ZDHHC11B: variants seen among roughly 807,000 people sequenced by gnomAD.
ZDHHC11B encodes the protein zDHHC palmitoyltransferase 11B (putative).
A neutral mutation model predicts 42.3 loss-of-function variants in ZDHHC11B; 17 were observed. That is an observed-to-expected ratio of 0.40 (90% CI 0.27 to 0.60). The LOEUF (loss-of-function observed/expected upper bound fraction) is 0.60, where lower values mean the gene tolerates loss of function less well. Among genes scored for constraint, ZDHHC11B ranks in the 20% least tolerant of loss-of-function variants. The pLI is 0.41. For missense variants in ZDHHC11B, 262 were observed against 463.2 expected (o/e 0.57, Z 3.99); for synonymous variants, 123 against 193.5 (o/e 0.64, Z 3.02).
chr5:777,629 G>C (rs898019223), intron 1 of ZDHHC11B, among the ~76,000 whole-genome samples: 2 of 152,054 alleles, frequency 1.3e-5, no homozygotes, highest in African/African-American at 2.4e-5. Flanking sequence ...CCATTGTACA[G>C]GGAGCTAATT....
At chr5:776,336 C>G (rs1256649402) in intron 1 of ZDHHC11B, among the ~76,000 whole-genome samples, 3 of 151,868 alleles carry the variant, frequency 2.0e-5, no homozygotes, top group African/African-American at 4.8e-5. Flanking sequence ...TCTGCAACGC[C>G]CAGTGCTCCA....
At chr5:775,469 C>G (rs1479946328) in intron 1 of ZDHHC11B, among the ~76,000 whole-genome samples, 11 of 151,964 alleles carry the variant, frequency 7.2e-5, no homozygotes, top group African/African-American at 2.7e-4. Context: ...CCACCAGAAC[C>G]CGAAGGCAAG....
At chr5:721,676 A>T (rs1561116241) in intron 12 of ZDHHC11B, among the ~76,000 whole-genome samples, 1 of 151,722 alleles carries the variant, frequency 6.6e-6, no homozygotes, top group Non-Finnish European at 1.5e-5. Flanking sequence ...ACAGGAGATA[A>T]GAAGGGTCTG....
chr5:773,133 T>C (rs991847088), intron 1 of ZDHHC11B, among the ~76,000 whole-genome samples: 3 of 151,740 alleles, frequency 2.0e-5, no homozygotes, highest in African/African-American at 7.3e-5. Context: ...TAAGAATACA[T>C]TTAGTTTTAA....
chr5:771,898 G>A (rs1411372437), intron 1 of ZDHHC11B, among the ~76,000 whole-genome samples: 10 of 147,632 alleles, frequency 6.8e-5, no homozygotes, highest in African/African-American at 1.2e-4. Context: ...CGTGGGGCCC[G>A]CCTGGGAGCA....
intron 1 of ZDHHC11B, among the ~76,000 whole-genome samples, chr5:780,769 C>T (rs143132790): frequency 6.7e-6 from 1 of 149,572 alleles, no homozygotes; most frequent in Non-Finnish European, 1.5e-5. Context: ...TGAGCTTCAC[C>T]CCAGTGGCTC....
chr5:774,111 C>T (rs1357344117), intron 1 of ZDHHC11B, among the ~76,000 whole-genome samples: 2 of 151,972 alleles, frequency 1.3e-5, no homozygotes, highest in African/African-American at 4.8e-5. Context: ...TCCCAGACAC[C>T]GCAGGCCACC....
intron 1 of ZDHHC11B, among the ~76,000 whole-genome samples, chr5:770,071 G>A (rs1274580714): frequency 3.3e-5 from 5 of 151,870 alleles, no homozygotes; most frequent in East Asian, 3.9e-4. Context: ...GACTTGGGGG[G>A]CGTCCTGTTG....
intron 12 of ZDHHC11B, among the ~76,000 whole-genome samples, chr5:719,254 CA>C (rs1173072795): frequency 6.6e-6 from 1 of 151,548 alleles, no homozygotes; most frequent in East Asian, 1.9e-4. Context: ...CAGTTTTTAA[CA>C]AAAAAAGAAC....
intron 1 of ZDHHC11B, among the ~76,000 whole-genome samples, chr5:775,042 A>G (rs1736360279): frequency 6.6e-6 from 1 of 151,908 alleles, no homozygotes; most frequent in Admixed American, 6.6e-5. Context: ...GGAGCCATGG[A>G]GTCAGTGGGA....
chr5:718,328 T>G (rs1741918919), intron 12 of ZDHHC11B, among the ~76,000 whole-genome samples: 2 of 151,646 alleles, frequency 1.3e-5, no homozygotes, highest in African/African-American at 4.9e-5. Flanking sequence ...TGCAATGAAT[T>G]ATTTGGAAAC....
chr5:750,730 G>A lies in ZDHHC11B; in HGVS notation c.628+403C>T, dbSNP rs556160666. Among the ~76,000 whole-genome samples, 61 of 127,266 alleles carry A rather than the reference G, an allele frequency of 4.8e-4. 6 individuals are homozygous for A. Among genetic ancestry groups the A allele is most frequent in the Middle Eastern group, 3.9e-3 (1 of 256 alleles). The allele number at this position is 127,266 out of a possible 152,430, so 83.5% of individuals were successfully genotyped here. A position where few individuals can be genotyped will look rare whatever the true frequency, so the allele number is the denominator to read the frequency against. ...CAGCCTACAGCCCAGCACCCTCAGC[G>A]CTGCCTCCACTCTCCCTCCCCATGG... On this transcript the variant is annotated intron_variant, in intron 7 of 13. Transcript: ENST00000508859.
rs1179393311 is a variant in ZDHHC11B at position 754,402 on chromosome 5, C to A, written c.503+596G>T. Among the ~76,000 whole-genome samples the A allele has an allele frequency of 5.0e-4, 64 of 129,134 alleles. 1 individual carries two copies. Among genetic ancestry groups the A allele is most frequent in the South Asian group, 1.7e-3 (5 of 3,016 alleles). 84.7% of individuals were successfully genotyped at this position (129,134 alleles called of 152,430 possible). ...CTCTCATCCTTGTGCCTCCACCATG[C>A]TCAGGAGAAACACCTCTCGCCTGTG... On this transcript the variant is annotated intron_variant, in intron 6 of 13. Coordinates refer to ENST00000508859, the MANE Select transcript of ZDHHC11B (RefSeq NM_001351303.2).
In ZDHHC11B at chr5:771,349, C is replaced by T. The variant is rs1367126759; in HGVS notation, c.-229-2419G>A. Among the ~76,000 whole-genome samples the T allele has an allele frequency of 2.0e-5, 3 of 151,848 alleles. 1 individual carries two copies. Among genetic ancestry groups the T allele is most frequent in the Non-Finnish European group, 4.4e-5 (3 of 67,880 alleles). Reference sequence around the variant, plus strand: ...CACTGAAGACCTTAAGGGCCTCAGGCCCCACCCACTCACCCCTTTCCCTGG... The same window carrying T: ...CACTGAAGACCTTAAGGGCCTCAGGTCCCACCCACTCACCCCTTTCCCTGG... On this transcript the variant is annotated intron_variant, in intron 1 of 13. Coordinates refer to ENST00000508859, the MANE Select transcript of ZDHHC11B (RefSeq NM_001351303.2).
At chr5:761,557 A>G (rs1347124374) in intron 4 of ZDHHC11B, among the ~76,000 whole-genome samples, 1 of 151,876 alleles carries the variant, frequency 6.6e-6, no homozygotes. Context: ...ACTACTCAGA[A>G]CTATGACCTG....
At chr5:719,602 C>T (rs1263357241) in intron 12 of ZDHHC11B, among the ~76,000 whole-genome samples, 16 of 150,148 alleles carry the variant, frequency 1.1e-4, no homozygotes, top group African/African-American at 3.7e-4. Context: ...TTGAAGACAA[C>T]CGAAATTATC....
chr5:739,401 C>CAAAG (rs1743911129), intron 10 of ZDHHC11B, among the ~76,000 whole-genome samples: 1 of 145,612 alleles, frequency 6.9e-6, no homozygotes, highest in East Asian at 1.9e-4. Flanking sequence ...CTGTCTCAAA[C>CAAAG]AAACAAACAA....
At chr5:774,939 A>G (rs200283481) in intron 1 of ZDHHC11B, among the ~76,000 whole-genome samples, 1 of 151,968 alleles carries the variant, frequency 6.6e-6, no homozygotes, top group Non-Finnish European at 1.5e-5. Context: ...CTTCACGTGG[A>G]TGGCTGTGGG....
intron 1 of ZDHHC11B, among the ~76,000 whole-genome samples, chr5:776,199 C>T (rs1369021701): frequency 2.0e-5 from 3 of 151,622 alleles, no homozygotes; most frequent in African/African-American, 7.3e-5. Context: ...ACCCTAGGGC[C>T]AGACCCCACT....
Sources: allele counts gnomAD v4.1 joint callset (sites outside exome capture counted in the v4.1 genomes callset), GRCh38; gene constraint gnomAD v4.1.1; transcripts MANE v1.5; gene names NCBI Gene and HGNC (gene_info 2026-07-23, HGNC 2026-07-21).